CTIF: variants seen among roughly 807,000 people sequenced by gnomAD.
CTIF encodes the protein cap binding complex dependent translation initiation factor.
A neutral mutation model predicts 66.0 loss-of-function variants in CTIF; 21 were observed. The observed-to-expected ratio is 0.32, with a 90% confidence interval of 0.23 to 0.46. The LOEUF (loss-of-function observed/expected upper bound fraction) is 0.46, where lower values mean the gene tolerates loss of function less well. Among genes scored for constraint, CTIF ranks in the 20% least tolerant of loss-of-function variants. CTIF has a pLI of 1.00. For missense variants in CTIF, 739 were observed against 812.7 expected (o/e 0.91, Z 1.10); for synonymous variants, 345 against 326.4 (o/e 1.06, Z -0.62).
At chr18:48,720,545 G>C (rs1354367374) in intron 7 of CTIF, among the ~76,000 whole-genome samples, 3 of 152,110 alleles carry the variant, frequency 2.0e-5, no homozygotes, top group Non-Finnish European at 2.9e-5. Context: ...AATGGGACAG[G>C]CAAACCCCCA....
chr18:48,583,894 C>T (rs1245427604), intron 1 of CTIF, among the ~76,000 whole-genome samples: 1 of 152,236 alleles, frequency 6.6e-6, no homozygotes, highest in Non-Finnish European at 1.5e-5. Context: ...AAGTCACTCA[C>T]TTCTCTTGTG....
intron 3 of CTIF, among the ~76,000 whole-genome samples, chr18:48,662,905 G>A (rs1264595891): frequency 6.6e-6 from 1 of 152,138 alleles, no homozygotes; most frequent in Non-Finnish European, 1.5e-5. Flanking sequence ...CGAATCAGCT[G>A]ATGACAGGCA....
At chr18:48,694,572 T>A (rs1167882212) in intron 6 of CTIF, among the ~76,000 whole-genome samples, 1 of 152,250 alleles carries the variant, frequency 6.6e-6, no homozygotes, top group African/African-American at 2.4e-5. Context: ...GGGCCACTAT[T>A]GCTTAGTGAG....
intron 9 of CTIF, among the ~76,000 whole-genome samples, chr18:48,806,337 C>T (rs1407753528): frequency 6.6e-6 from 1 of 152,184 alleles, no homozygotes; most frequent in African/African-American, 2.4e-5. Flanking sequence ...TGGTCTGTCC[C>T]TCCCACATGT....
At chr18:48,657,011 C>T (rs1052839995) in intron 3 of CTIF, among the ~76,000 whole-genome samples, 2 of 152,114 alleles carry the variant, frequency 1.3e-5, no homozygotes, top group African/African-American at 4.8e-5. Flanking sequence ...AAGGCTAGGA[C>T]GAGGGGTGAA....
chr18:48,642,254 A>G (rs1418463216), intron 3 of CTIF, among the ~76,000 whole-genome samples: 1 of 152,150 alleles, frequency 6.6e-6, no homozygotes, highest in African/African-American at 2.4e-5. Context: ...ACATACACGT[A>G]AGATCCCCAA....
chr18:48,664,599 G>C, intron 5 of CTIF, 48 bp downstream of exon 5: 2 of 1,539,086 alleles, frequency 1.3e-6, no homozygotes, highest in Non-Finnish European at 1.8e-6. Flanking sequence ...GGCAGGGGAC[G>C]GGAGTGGCCT....
rs10671224 is a variant in CTIF, at chr18:48,863,194, T to TAAACAAAC, written c.*3640_*3641insAACAAACA. The TAAACAAAC allele has an allele frequency of 5.0e-4, 76 of 151,772 alleles. No individual in the cohort carries two copies. The highest frequency in any genetic ancestry group is 3.4e-3 in the Middle Eastern group (1 of 294). 9.4% of individuals were successfully genotyped at this position (151,772 alleles called of 1,614,324 possible). On this transcript the variant is annotated 3_prime_UTR_variant, in exon 12 of 12. Transcript: ENST00000256413. ...CAAACTACAAGTGGGTTTAAAAAAATAAACACCACCACCAAAAACAAAATG... is the reference window on the plus strand; with the variant it reads ...CAAACTACAAGTGGGTTTAAAAAAATAAACAAACAAACACCACCACCAAAAACAAAATG...
chr18:48,555,169 C>T lies in CTIF; in HGVS notation c.-29+15857C>T, dbSNP rs73956913. 7.4e-3 allele frequency among the ~76,000 whole-genome samples: 1,121 copies of T among 152,334 alleles called. 13 individuals carry two copies. The highest frequency in any genetic ancestry group is 0.026 in the African/African-American group (1,070 of 41,580). The stretch of plus-strand genomic sequence containing the variant: ...TGACCTGAGTGGTGCAGGAATCATG[C>T]TGCTGTCACCTCCCTCCATCTGGAC... On this transcript the variant is annotated intron_variant, in intron 1 of 11. Transcript: ENST00000256413.
At chr18:48,615,097 T>C (rs2090374573) in intron 1 of CTIF, among the ~76,000 whole-genome samples, 1 of 152,106 alleles carries the variant, frequency 6.6e-6, no homozygotes, top group Admixed American at 6.5e-5. Context: ...GGTCTTGCTA[T>C]GTTGCCTAGG....
chr18:48,643,552 C>T (rs2090971619), intron 3 of CTIF, among the ~76,000 whole-genome samples: 1 of 152,030 alleles, frequency 6.6e-6, no homozygotes, highest in South Asian at 2.1e-4. Flanking sequence ...TATTTATGGC[C>T]AGTTTTTAAA....
chr18:48,639,044 G>A (rs1446273038), intron 3 of CTIF, among the ~76,000 whole-genome samples: 1 of 152,224 alleles, frequency 6.6e-6, no homozygotes, highest in East Asian at 1.9e-4. Flanking sequence ...AAGAGGGGCT[G>A]GGCCACTGAG....
intron 3 of CTIF, among the ~76,000 whole-genome samples, chr18:48,651,634 A>G (rs1010158278): frequency 6.6e-6 from 1 of 152,108 alleles, no homozygotes; most frequent in Non-Finnish European, 1.5e-5. Context: ...CATCTACAGA[A>G]CTCGCCACCC....
chr18:48,609,470 T>C (rs1474733352), intron 1 of CTIF, among the ~76,000 whole-genome samples: 1 of 152,174 alleles, frequency 6.6e-6, no homozygotes, highest in Non-Finnish European at 1.5e-5. Context: ...CCTAGCGGTG[T>C]TGAGCACTTT....
rs775235981 is a variant in CTIF at position 48,668,784 on chromosome 18, C to T, written c.432-1885C>T. 3.9e-5 allele frequency among the ~76,000 whole-genome samples: 6 copies of T among 152,126 alleles called. No homozygotes were observed. In the South Asian group the frequency reaches 6.2e-4, roughly 16 times the overall value. ...GCCCCTCGCCCAAGACAGTTCTAGA[C>T]GCTGCTCCTTGGGGTTCCTGCAACG... On this transcript the variant is annotated intron_variant, in intron 5 of 11. Transcript: ENST00000256413.
At chr18:48,617,786 G>A (rs1383610604) in intron 1 of CTIF, among the ~76,000 whole-genome samples, 1 of 152,168 alleles carries the variant, frequency 6.6e-6, no homozygotes, top group East Asian at 1.9e-4. Context: ...AAAGGGCACC[G>A]CCTTGGCCTG....
At chr18:48,644,359 G>A (rs2090988093) in intron 3 of CTIF, among the ~76,000 whole-genome samples, 1 of 152,220 alleles carries the variant, frequency 6.6e-6, no homozygotes, top group Non-Finnish European at 1.5e-5. Context: ...GCTGCAGTGA[G>A]AAGATGTCTG....
chr18:48,759,275 C>T (rs1040513957), intron 8 of CTIF, among the ~76,000 whole-genome samples: 3 of 152,218 alleles, frequency 2.0e-5, no homozygotes, highest in African/African-American at 7.2e-5. Flanking sequence ...TCCCACACAG[C>T]AGCAGGGCCT....
chr18:48,677,761 G>A (rs1301672969), intron 6 of CTIF, among the ~76,000 whole-genome samples: 1 of 152,002 alleles, frequency 6.6e-6, no homozygotes, highest in Non-Finnish European at 1.5e-5. Flanking sequence ...TGGAGTGTAC[G>A]TTCCCCTGGG....
Sources: allele counts gnomAD v4.1 joint callset (sites outside exome capture counted in the v4.1 genomes callset), GRCh38; gene constraint gnomAD v4.1.1; transcripts MANE v1.5; gene names NCBI Gene and HGNC (gene_info 2026-07-23, HGNC 2026-07-21).